CAMTA1: variants seen among roughly 807,000 people sequenced by gnomAD.
The protein encoded by CAMTA1 is calmodulin-binding transcription activator 1.
In CAMTA1, 27 loss-of-function variants were observed where a neutral mutation model predicts 170.9. The observed-to-expected ratio is 0.16, with a 90% confidence interval of 0.12 to 0.22. The LOEUF (loss-of-function observed/expected upper bound fraction) is 0.22. Among genes scored for constraint, CAMTA1 ranks in the 10% least tolerant of loss-of-function variants. The pLI, the probability that CAMTA1 is intolerant of heterozygous loss-of-function variation, is 1.00. For missense variants in CAMTA1, 1,619 were observed against 2,217.2 expected (o/e 0.73, Z 5.42); for synonymous variants, 833 against 891.5 (o/e 0.93, Z 1.17).
chr1:6,954,569 A>C (rs1572005898), intron 3 of CAMTA1, among the ~76,000 whole-genome samples: 1 of 152,302 alleles, frequency 6.6e-6, no homozygotes, highest in East Asian at 1.9e-4. Context: ...CCAGCCTTGC[A>C]CCTGGTACAT....
At chr1:7,761,082 G>A (rs550730736) in intron 22 of CAMTA1, among the ~76,000 whole-genome samples, 1 of 152,194 alleles carries the variant, frequency 6.6e-6, no homozygotes, top group East Asian at 1.9e-4. Context: ...AGTACATTAC[G>A]ATGCAACTTT....
intron 5 of CAMTA1, among the ~76,000 whole-genome samples, chr1:7,341,525 T>C (rs970268086): frequency 6.6e-6 from 1 of 152,234 alleles, no homozygotes; most frequent in Non-Finnish European, 1.5e-5. Context: ...AGCTCTCTTG[T>C]TGGGGCTCTG....
In CAMTA1 at chr1:7,549,717, C is replaced by T. The variant is rs567702937; in HGVS notation, c.510+81816C>T. 4.3e-4 allele frequency among the ~76,000 whole-genome samples: 65 copies of T among 150,860 alleles called. No homozygotes were observed. In the Middle Eastern group the frequency reaches 0.02, roughly 47 times the overall value. On this transcript the variant is annotated intron_variant, in intron 6 of 22. Coordinates refer to ENST00000303635, the MANE Select transcript of CAMTA1 (RefSeq NM_015215.4). ...AAAGACACCTGTGGGCCGGGAGAGACAAACAGAAAAGAAAAAAATGAGTAA... is the reference window on the plus strand; with the variant it reads ...AAAGACACCTGTGGGCCGGGAGAGATAAACAGAAAAGAAAAAAATGAGTAA...
chr1:7,718,178 G>T lies in CAMTA1; in HGVS notation c.2915-14270G>T, dbSNP rs530543866. Among the ~76,000 whole-genome samples, 17 of 145,944 alleles carry T rather than the reference G, an allele frequency of 1.2e-4. No homozygotes were observed. The South Asian group carries it at 3.5e-3, about 30-fold the overall frequency. ...CTTAGTTCCCTAGAGCCTTGGCGCA[G>T]TCTTAGCCAGCAGTGGGCGTTCCGT... On this transcript the variant is annotated intron_variant, in intron 11 of 22. Transcript: ENST00000303635.
At chr1:7,671,395 G>T (rs1428734955) in intron 10 of CAMTA1, among the ~76,000 whole-genome samples, 1 of 152,210 alleles carries the variant, frequency 6.6e-6, no homozygotes, top group Non-Finnish European at 1.5e-5. Flanking sequence ...AAGAGCTGGG[G>T]CCAGAGACCA....
rs2095980057 is a variant in CAMTA1 at position 7,663,685 on chromosome 1, G to A, written c.1138G>A (p.Gly380Ser). 3.7e-6 allele frequency: 6 copies of A among 1,614,064 alleles called. No individual in the cohort carries two copies. In the African/African-American group the frequency reaches 5.3e-5, roughly 14 times the overall value. The change falls in exon 9 of 23, where the codon GGT becomes AGT. Residue 380 changes from glycine (G) to serine (S), a missense_variant. Gly to Ser is a moderately conservative substitution (Grantham distance 56). Transcript: ENST00000303635. ...PDMVDSPVVTGVSGMAVASVM... is the reference protein window; with the variant it reads ...PDMVDSPVVTSVSGMAVASVM... ...CATGGTGGACAGCCCGGTGGTCACA[G>A]GTGTGTCCGGTATGGCGGTGGCCTC...
chr1:7,279,866 AC>A (rs1671263683), intron 5 of CAMTA1, among the ~76,000 whole-genome samples: 1 of 151,954 alleles, frequency 6.6e-6, no homozygotes, highest in Non-Finnish European at 1.5e-5. Flanking sequence ...GTCCCTCTAG[AC>A]CAAAAAAAAA....
chr1:6,972,771 C>G (rs1355373914), intron 3 of CAMTA1, among the ~76,000 whole-genome samples: 1 of 152,166 alleles, frequency 6.6e-6, no homozygotes, highest in East Asian at 1.9e-4. Context: ...GTTTCTTTTA[C>G]TATTATTATT....
chr1:6,987,023 T>A (rs1469828738), intron 3 of CAMTA1, among the ~76,000 whole-genome samples: 1 of 151,850 alleles, frequency 6.6e-6, no homozygotes, highest in African/African-American at 2.4e-5. Context: ...CCATGCTCAT[T>A]TGTGTGTCTC....
rs927708197 is a variant in CAMTA1 at position 7,007,890 on chromosome 1, C to T, written c.235-83414C>T. ...TGTAAACTGTATCCACCTACAAAGC[C>T]CCTAGAGCTTGTGAGACCCGGGAAA... On this transcript the variant is annotated intron_variant, in intron 3 of 22. Coordinates refer to ENST00000303635, the MANE Select transcript of CAMTA1 (RefSeq NM_015215.4). This position sits in a 1 kb window ranked among gnomAD's most constrained non-coding sequence, Gnocchi z 4.5. Among the ~76,000 whole-genome samples the T allele has an allele frequency of 4.6e-5, 7 of 152,170 alleles. No homozygotes were observed. Among genetic ancestry groups the T allele is most frequent in the Non-Finnish European group, 1.0e-4 (7 of 68,040 alleles).
At chr1:7,107,802 A>G (rs897264185) in intron 4 of CAMTA1, among the ~76,000 whole-genome samples, 7 of 152,220 alleles carry the variant, frequency 4.6e-5, no homozygotes, top group Admixed American at 3.9e-4. Context: ...GGGCCTTTCC[A>G]AGCAGGGACT....
At chr1:7,724,974 C>T (rs574089492) in intron 11 of CAMTA1, among the ~76,000 whole-genome samples, 1 of 152,180 alleles carries the variant, frequency 6.6e-6, no homozygotes, top group African/African-American at 2.4e-5. Flanking sequence ...AGGATTAAAC[C>T]TGGGGCTCTT....
chr1:6,913,378 A>C (rs576666757), intron 3 of CAMTA1, among the ~76,000 whole-genome samples: 16 of 152,212 alleles, frequency 1.1e-4, no homozygotes, highest in African/African-American at 3.1e-4. Context: ...AACCTCCCAG[A>C]TCTGCCTGCT....
intron 6 of CAMTA1, among the ~76,000 whole-genome samples, chr1:7,520,203 T>TCCC (rs2094342432): frequency 5.1e-3 from 1 of 198 alleles, no homozygotes; most frequent in Non-Finnish European, 9.3e-3. Flanking sequence ...ACTGCCGACC[T>TCCC]CCTCCTCCTC....
At position 7,072,151 on chromosome 1, in the gene CAMTA1, G is replaced by A. The variant is rs538781015; in HGVS notation, c.235-19153G>A. ...GAGCTGAACGACACGTGGTTTTACT[G>A]TCATGGCAATATGTCCTCAGTTTTC... is the stretch of plus-strand genomic sequence containing the variant. On this transcript the variant is annotated intron_variant, in intron 3 of 22. Transcript: ENST00000303635. 9.8e-5 allele frequency among the ~76,000 whole-genome samples: 15 copies of A among 152,312 alleles called. No individual in the cohort carries two copies. The South Asian group carries it at 2.9e-3, about 29-fold the overall frequency.
chr1:6,826,532 G>A (rs772850349), intron 3 of CAMTA1, among the ~76,000 whole-genome samples: 5 of 152,028 alleles, frequency 3.3e-5, no homozygotes, highest in Non-Finnish European at 7.4e-5. Context: ...TTAATAAGTC[G>A]GAACTTGATT....
intron 6 of CAMTA1, among the ~76,000 whole-genome samples, chr1:7,529,662 C>T (rs887544652): frequency 4.6e-5 from 7 of 152,162 alleles, no homozygotes; most frequent in African/African-American, 1.7e-4. Flanking sequence ...ATGGGCCCCA[C>T]TGGCTGGATG....
At chr1:6,927,574 C>T (rs887346592) in intron 3 of CAMTA1, among the ~76,000 whole-genome samples, 2 of 152,200 alleles carry the variant, frequency 1.3e-5, no homozygotes, top group Non-Finnish European at 2.9e-5. Flanking sequence ...GACACCAGTG[C>T]CCTCATTTCC....
intron 5 of CAMTA1, among the ~76,000 whole-genome samples, chr1:7,464,432 C>T (rs367854519): frequency 2.6e-5 from 4 of 152,192 alleles, no homozygotes; most frequent in South Asian, 2.1e-4. Flanking sequence ...GGAATGGATT[C>T]GCCACACGGC....
Sources: allele counts gnomAD v4.1 joint callset (sites outside exome capture counted in the v4.1 genomes callset), GRCh38; gene constraint gnomAD v4.1.1; non-coding constraint Gnocchi (gnomAD v3.1); transcripts MANE v1.5; gene names NCBI Gene and HGNC (gene_info 2026-07-23, HGNC 2026-07-21).